MX1: variants seen among roughly 807,000 people sequenced by gnomAD.
MX1 encodes the protein MX dynamin like GTPase 1.
MX1 carries 66 observed loss-of-function variants against 66.4 expected under a neutral mutation model. The observed-to-expected ratio is 0.99, with a 90% confidence interval of 0.82 to 1.22. MX1 has a LOEUF of 1.22. MX1 is among the 50% of genes most tolerant of loss of function. The probability of loss-of-function intolerance (pLI) is 0.00; values close to 1 mark genes in which losing one functional copy is unlikely to be tolerated. For synonymous variants in MX1, 311 were observed against 318.1 expected (o/e 0.98, Z 0.24); for missense variants, 787 against 834.3 (o/e 0.94, Z 0.70).
rs746813185 is a variant in MX1 at position 41,443,852 on chromosome 21, A to G, written c.994A>G (p.Ile332Val). 6.2e-7 allele frequency: 1 copy of G among 1,614,100 alleles called. No homozygotes were observed. The highest frequency in any genetic ancestry group is 1.6e-4 in the Middle Eastern group (1 of 6,062). ...CLAEKLTSEL[I>V]THICKSLPLL... ...GGCAGAAAAACTTACCAGCGAGCTC[A>G]TCACACATATCTGTGTAAGCACGGG... The change falls in exon 11 of 17, where the codon ATC becomes GTC. Residue 332 changes from isoleucine to valine, a missense_variant. Coordinates refer to ENST00000398598, the MANE Select transcript of MX1 (RefSeq NM_002462.5).
chr21:41,444,773 C>T (rs1320985873), intron 11 of MX1, among the ~76,000 whole-genome samples: 4 of 152,058 alleles, frequency 2.6e-5, no homozygotes, highest in South Asian at 2.1e-4. Flanking sequence ...AGTTCCCGTT[C>T]GAATTTTCTT....
upstream of MX1, among the ~76,000 whole-genome samples, chr21:41,424,274 C>G (rs1406379658): frequency 1.4e-5 from 2 of 142,280 alleles, no homozygotes; most frequent in Non-Finnish European, 3.0e-5. Flanking sequence ...AAAGTGAGGT[C>G]ATTGCTAATT....
At chr21:41,449,527 GC>G in intron 14 of MX1, 1 of 403,440 alleles carries the variant, frequency 2.5e-6, no homozygotes, top group Non-Finnish European at 4.4e-6. Flanking sequence ...CACAACACTG[GC>G]CCCAACTACA....
chr21:41,421,677 C>G (rs1439070048), upstream of MX1, among the ~76,000 whole-genome samples: 3 of 152,156 alleles, frequency 2.0e-5, no homozygotes, highest in African/African-American at 7.2e-5. Context: ...GTGGACACAG[C>G]ACATGTTTCA....
Position 41,441,858 on chromosome 21 carries a change from C to G in MX1, c.873C>G (p.Ser291Arg), listed in dbSNP as rs2090524979. 3 of 1,614,164 alleles carry G rather than the reference C, an allele frequency of 1.9e-6. No individual in the cohort carries two copies. Among genetic ancestry groups the G allele is most frequent in the Non-Finnish European group, 1.7e-6 (2 of 1,180,034 alleles). Residue 291 changes from serine to arginine, a missense_variant, in exon 10 of 17, where the codon AGC (serine) becomes AGG (arginine). By Grantham distance (110) the Ser-to-Arg change is moderately radical (BLOSUM62 -1). Transcript: ENST00000398598. The surrounding 1 kb of genome is among the most constrained non-coding windows in gnomAD (Gnocchi z 4.0). ...AGCAGGAGATCCAGGACCAGCTGAG[C>G]CTGTCCGAAGCCCTGCAGAGAGAGA... ...RGQQEIQDQL[S>R]LSEALQREKI...
At chr21:41,456,489 G>A (rs1184222535) in intron 16 of MX1, among the ~76,000 whole-genome samples, 2 of 152,062 alleles carry the variant, frequency 1.3e-5, no homozygotes, top group Non-Finnish European at 2.9e-5. Context: ...GATTGGATGA[G>A]GCCCATCCAC....
At chr21:41,426,023 A>C (rs2146032659), upstream of MX1, 1 of 158,444 alleles carries the variant, frequency 6.3e-6, no homozygotes. Context: ...GGGCCTGATG[A>C]AACGAGCATC....
chr21:41,449,365 C>G, intron 14 of MX1, 70 bp downstream of exon 14: 3 of 1,504,078 alleles, frequency 2.0e-6, no homozygotes, highest in Non-Finnish European at 2.7e-6. Context: ...AAGCCAGCAC[C>G]AAACTTCAGC....
At chr21:41,440,860 G>A (rs543525805) in intron 8 of MX1, 27 bp from the exon 9 acceptor site, 13 of 1,613,894 alleles carry the variant, frequency 8.1e-6, no homozygotes, top group Admixed American at 6.7e-5. Flanking sequence ...CCATACTCAC[G>A]AGTCACCTCC....
At chr21:41,437,271 A>G (rs1369358505) in intron 7 of MX1, 119 bp downstream of exon 7, 2 of 1,128,406 alleles carry the variant, frequency 1.8e-6, no homozygotes, top group Non-Finnish European at 2.6e-6. Context: ...TCTCCTGCAC[A>G]TCAGGCCACG....
At chr21:41,448,722 C>T (rs146439692) in intron 13 of MX1, among the ~76,000 whole-genome samples, 5,077 of 152,152 alleles carry the variant, frequency 0.033, 283 homozygotes, top group African/African-American at 0.11. Context: ...AGAAGAATGG[C>T]GTGAACCCGG....
At position 41,432,160 on chromosome 21, in the gene MX1, G is replaced by A; in HGVS notation, c.90G>A (p.Gln30=). The A allele has an allele frequency of 1.2e-6, 2 of 1,614,074 alleles. No homozygotes were observed. Among genetic ancestry groups the A allele is most frequent in the African/African-American group, 2.7e-5 (2 of 75,068 alleles). The change falls in exon 5 of 17, where the codon CAG becomes CAA. Residue 30 remains glutamine, a synonymous_variant. Coordinates refer to ENST00000398598, the MANE Select transcript of MX1 (RefSeq NM_002462.5). ...LLLNGDATVA[Q]KNPGSVAENN... The stretch of plus-strand genomic sequence containing the variant: ...TGAATGGAGATGCTACTGTGGCCCA[G>A]AAAAATCCAGGCTCGGTAAGTTGCT...
At chr21:41,432,005 C>A in intron 4 of MX1, 45 bp from the exon 5 acceptor site, 1 of 1,523,666 alleles carries the variant, frequency 6.6e-7, no homozygotes, top group Non-Finnish European at 9.0e-7. Context: ...TGGTTGAATG[C>A]ACCCAGCTGC....
At position 41,429,289 on chromosome 21, in the gene MX1, A is replaced by G. The variant is rs183706759; in HGVS notation, c.-97-1244A>G. The G allele has an allele frequency of 5.9e-5, 9 of 152,332 alleles. No individual in the cohort carries two copies. The East Asian group carries it at 7.7e-4, about 13-fold the overall frequency. 9.4% of individuals were successfully genotyped at this position (152,332 alleles called of 1,614,324 possible). On this transcript the variant is annotated intron_variant, in intron 3 of 16. Coordinates refer to ENST00000398598, the MANE Select transcript of MX1 (RefSeq NM_002462.5). ...TGATCAGGGAAAGGTACAAACGTTT[A>G]TGGTTTACAGACAAAACCCATAAGG...
intron 5 of MX1, 103 bp from the exon 6 acceptor site, chr21:41,435,734 G>C (rs1346449734): frequency 2.3e-6 from 3 of 1,286,708 alleles, no homozygotes; most frequent in Non-Finnish European, 2.2e-6. Context: ...GGGATTATGG[G>C]GATTACAATT....
At position 41,438,450 on chromosome 21, in the gene MX1, C is replaced by T. The variant is rs115189514; in HGVS notation, c.437-1244C>T. ...CAGGATGGCCCTTGGCTGGAGTGAC[C>T]GGGCCTTCTGTCTGTGTGGTCTCTC... On this transcript the variant is annotated intron_variant, in intron 7 of 16. Coordinates refer to ENST00000398598, the MANE Select transcript of MX1 (RefSeq NM_002462.5). Among the ~76,000 whole-genome samples the T allele has an allele frequency of 8.4e-3, 1,277 of 152,140 alleles. 20 individuals carry two copies. Among genetic ancestry groups the T allele is most frequent in the African/African-American group, 0.028 (1,179 of 41,486 alleles).
rs1236035813 is a variant in MX1, at chr21:41,452,791, T to C, written c.1680T>C (p.Asp560=). 3.1e-6 allele frequency: 5 copies of C among 1,614,022 alleles called. No homozygotes were observed. Among genetic ancestry groups the C allele is most frequent in the Non-Finnish European group, 4.2e-6 (5 of 1,179,982 alleles). The change falls in exon 16 of 17, where the codon GAT becomes GAC. Residue 560 remains aspartate (D), a synonymous_variant. Coordinates refer to ENST00000398598, the MANE Select transcript of MX1 (RefSeq NM_002462.5). Reference sequence around the variant, plus strand: ...AAGAAAAGAAGAAGAAATCCTGGGATTTTGGGGCTTTCCAGTCCAGCTCGG... The same window carrying C: ...AAGAAAAGAAGAAGAAATCCTGGGACTTTGGGGCTTTCCAGTCCAGCTCGG... The part of the protein sequence containing the change: ...LEEEKKKKSW[D]FGAFQSSSAT...
chr21:41,435,828 T>C lies in MX1; in HGVS notation c.106-9T>C, dbSNP rs768236066. ...GCCATGAAGAATTCTCCATTTTTGT[T>C]TCCTCCAGGTGGCTGAGAACAACCT... is the stretch of plus-strand genomic sequence containing the variant. On this transcript the variant is annotated splice_polypyrimidine_tract_variant and intron_variant, in intron 5 of 16. Transcript: ENST00000398598. 6 of 1,595,218 alleles carry C rather than the reference T, an allele frequency of 3.8e-6. No homozygotes were observed. Among genetic ancestry groups the C allele is most frequent in the Non-Finnish European group, 5.1e-6 (6 of 1,165,360 alleles).
intron 13 of MX1, among the ~76,000 whole-genome samples, chr21:41,447,499 A>T (rs1243826692): frequency 6.6e-6 from 1 of 152,176 alleles, no homozygotes; most frequent in African/African-American, 2.4e-5. Flanking sequence ...TGAAAATGTC[A>T]TGCTGAGTGA....
Sources: gnomAD v4.1 joint callset for allele counts (sites outside exome capture counted in the v4.1 genomes callset) on GRCh38, gnomAD v4.1.1 for gene constraint, Gnocchi (gnomAD v3.1) non-coding constraint, MANE v1.5 for transcripts, NCBI Gene and HGNC (gene_info 2026-07-23, HGNC 2026-07-21) for gene names.